Variants in FRAS1 observed in about 807,000 individuals in gnomAD.
FRAS1 encodes extracellular matrix organizing protein FRAS1.
FRAS1 carries 290 observed loss-of-function variants against 435.2 expected under a neutral mutation model. The ratio of observed to expected loss-of-function variants is 0.67; its 90% CI spans 0.61 to 0.73. FRAS1 has a LOEUF of 0.73. Among genes scored for constraint, FRAS1 ranks in the 30% least tolerant of loss-of-function variants. The pLI, the probability that FRAS1 is intolerant of heterozygous loss-of-function variation, is 0.00. For synonymous variants in FRAS1, 1,800 were observed against 1,851.0 expected (o/e 0.97, Z 0.71); for missense variants, 4,860 against 5,001.5 (o/e 0.97, Z 0.85).
intron 2 of FRAS1, among the ~76,000 whole-genome samples, chr4:78,209,935 A>G (rs1723432428): frequency 6.6e-6 from 1 of 152,182 alleles, no homozygotes. Flanking sequence ...TCCCTGTGCC[A>G]GAGTTCCTGC....
At chr4:78,105,878 C>G (rs1320563017) in intron 2 of FRAS1, among the ~76,000 whole-genome samples, 1 of 139,292 alleles carries the variant, frequency 7.2e-6, no homozygotes, top group Non-Finnish European at 1.6e-5. Flanking sequence ...TGGGCGCAGG[C>G]CAGTGTGTGC....
chr4:78,237,541 A>G lies in FRAS1; in HGVS notation c.140A>G (p.Gln47Arg). The G allele has an allele frequency of 6.2e-7, 1 of 1,613,262 alleles. No individual in the cohort carries two copies. The highest frequency in any genetic ancestry group is 8.5e-7 in the Non-Finnish European group (1 of 1,179,404). The change falls in exon 3 of 74, where the codon CAG (glutamine) becomes CGG (arginine). Residue 47 changes from glutamine to arginine, a missense_variant. Physicochemically the swap from Gln to Arg is conservative, Grantham distance 43. Transcript: ENST00000512123. ...DATIWKPDSC[Q>R]SCRCHGDIVI... is the part of the protein sequence containing the mutation. ...ACAATTTGGAAGCCCGATTCATGCCAGAGCTGCCGTTGCCATGGTGATATT... is the reference window on the plus strand; with the variant it reads ...ACAATTTGGAAGCCCGATTCATGCCGGAGCTGCCGTTGCCATGGTGATATT...
Position 78,286,386 on chromosome 4 carries a change from C to T in FRAS1, c.1400-19C>T, listed in dbSNP as rs1057266283. The T allele has an allele frequency of 1.2e-6, 2 of 1,612,804 alleles. No homozygotes were observed. The highest frequency in any genetic ancestry group is 1.7e-6 in the Non-Finnish European group (2 of 1,179,884). ...ATCAAATGGTTCCTTTCTCTTTCTTCAACATTATCTGGAGTCAGCCTGCCA... is the reference window on the plus strand; with the variant it reads ...ATCAAATGGTTCCTTTCTCTTTCTTTAACATTATCTGGAGTCAGCCTGCCA... On this transcript the variant is annotated intron_variant, in intron 13 of 73. Transcript: ENST00000512123.
chr4:78,509,301 A>C (rs1720956141), intron 63 of FRAS1, among the ~76,000 whole-genome samples: 1 of 152,330 alleles, frequency 6.6e-6, no homozygotes, highest in Admixed American at 6.5e-5. Context: ...GCAAAGTAAT[A>C]ATTCTTTTGC....
At chr4:78,403,162 T>G (rs536646508) in intron 30 of FRAS1, among the ~76,000 whole-genome samples, 1 of 152,334 alleles carries the variant, frequency 6.6e-6, no homozygotes, top group South Asian at 2.1e-4. Flanking sequence ...TTTGATGTAT[T>G]AAATTCTCTA....
chr4:78,513,663 A>G, intron 65 of FRAS1, 111 bp downstream of exon 65: 1 of 991,824 alleles, frequency 1.0e-6, no homozygotes, highest in Non-Finnish European at 1.5e-6. Flanking sequence ...CTCAGAATCC[A>G]CATATTAGTG....
intron 70 of FRAS1, among the ~76,000 whole-genome samples, chr4:78,529,417 C>T (rs1721644565): frequency 1.3e-5 from 2 of 152,090 alleles, no homozygotes; most frequent in Admixed American, 6.5e-5. Flanking sequence ...ACTCAAGAAA[C>T]AGAACATTAC....
At chr4:78,265,757 T>TA in intron 7 of FRAS1, among the ~76,000 whole-genome samples, 1 of 152,182 alleles carries the variant, frequency 6.6e-6, no homozygotes, top group South Asian at 2.1e-4. Context: ...AAAGAACACA[T>TA]AAAAAAATAA....
At position 78,168,917 on chromosome 4, in the gene FRAS1, T is replaced by C. The variant is rs1377701555; in HGVS notation, c.109-68593T>C. ...CTTGTTGAATCGTATGAGGGTGCTTTGTGTGCAAGATGTCTGACAAGACAG... is the reference window on the plus strand; with the variant it reads ...CTTGTTGAATCGTATGAGGGTGCTTCGTGTGCAAGATGTCTGACAAGACAG... On this transcript the variant is annotated intron_variant, in intron 2 of 73. Transcript: ENST00000512123. 2.6e-5 allele frequency among the ~76,000 whole-genome samples: 4 copies of C among 152,078 alleles called. No homozygotes were observed. The East Asian group carries it at 7.7e-4, about 29-fold the overall frequency.
chr4:78,378,485 G>A (rs924179175), intron 26 of FRAS1, among the ~76,000 whole-genome samples: 5 of 152,064 alleles, frequency 3.3e-5, no homozygotes, highest in Non-Finnish European at 7.4e-5. Flanking sequence ...GTATTTAATT[G>A]AGGAACTGTC....
chr4:78,118,526 C>T (rs1053986701), intron 2 of FRAS1, among the ~76,000 whole-genome samples: 4 of 152,142 alleles, frequency 2.6e-5, no homozygotes, highest in African/African-American at 9.7e-5. Flanking sequence ...TGGTGGGCAC[C>T]CCTCCCCCAG....
intron 15 of FRAS1, among the ~76,000 whole-genome samples, chr4:78,310,550 A>G (rs1038908538): frequency 3.3e-5 from 5 of 152,252 alleles, no homozygotes; most frequent in African/African-American, 1.2e-4. Flanking sequence ...CAACAGATCT[A>G]CAAGTAATTA....
intron 14 of FRAS1, among the ~76,000 whole-genome samples, chr4:78,303,238 C>G (rs1251117029): frequency 6.6e-6 from 1 of 152,006 alleles, no homozygotes. Context: ...GGTACCAGTA[C>G]CATGCTGTTT....
At chr4:78,391,499 A>G (rs1732440350) in intron 29 of FRAS1, among the ~76,000 whole-genome samples, 1 of 152,342 alleles carries the variant, frequency 6.6e-6, no homozygotes, top group South Asian at 2.1e-4. Flanking sequence ...AAATGTGGAC[A>G]GGGGAAAATC....
intron 14 of FRAS1, among the ~76,000 whole-genome samples, chr4:78,299,797 C>G (rs1728304931): frequency 6.6e-6 from 1 of 152,240 alleles, no homozygotes; most frequent in African/African-American, 2.4e-5. Context: ...TTCAGCCTCA[C>G]TTTCCATTCA....
chr4:78,253,632 C>A (rs2110135067), intron 5 of FRAS1, among the ~76,000 whole-genome samples: 1 of 152,252 alleles, frequency 6.6e-6, no homozygotes, highest in East Asian at 1.9e-4. Context: ...GATTTCCTAA[C>A]CCCATTCCGT....
chr4:78,425,710 T>C (rs983681064), intron 35 of FRAS1, among the ~76,000 whole-genome samples: 1 of 152,192 alleles, frequency 6.6e-6, no homozygotes, highest in Non-Finnish European at 1.5e-5. Context: ...CAATCAGTAA[T>C]GATATATGGC....
chr4:78,119,432 G>A (rs1026051782), intron 2 of FRAS1, among the ~76,000 whole-genome samples: 1 of 152,088 alleles, frequency 6.6e-6, no homozygotes, highest in Admixed American at 6.6e-5. Context: ...GAGAATATGA[G>A]GTGTTTCACT....
At chr4:78,366,744 C>T (rs995750339) in intron 22 of FRAS1, among the ~76,000 whole-genome samples, 1 of 152,166 alleles carries the variant, frequency 6.6e-6, no homozygotes, top group African/African-American at 2.4e-5. Context: ...CTGTGGGGGT[C>T]ACTGACCTCA....
Sources: allele counts gnomAD v4.1 joint callset (sites outside exome capture counted in the v4.1 genomes callset), GRCh38; gene constraint gnomAD v4.1.1; transcripts MANE v1.5; gene names NCBI Gene and HGNC (gene_info 2026-07-23, HGNC 2026-07-21).